IFT140: variants seen among roughly 807,000 people sequenced by gnomAD.
IFT140 encodes the protein intraflagellar transport 140.
Under a neutral mutation model 164.6 loss-of-function variants are expected in IFT140, and 133 were observed. That is an observed-to-expected ratio of 0.81 (90% CI 0.70 to 0.93). IFT140 has a LOEUF of 0.93. Ranked by LOEUF, IFT140 falls within the 40% of genes least tolerant of loss-of-function variation. The pLI, the probability that IFT140 is intolerant of heterozygous loss-of-function variation, is 0.00. For missense variants in IFT140, 2,045 were observed against 1,972.3 expected (o/e 1.04, Z -0.70); for synonymous variants, 860 against 817.3 (o/e 1.05, Z -0.89).
Position 1,531,639 on chromosome 16 carries a change from C to G in IFT140, c.2400-4843G>C, listed in dbSNP as rs760045158. ...CACAGATCCTCCCAGGAGGGTCGCT[C>G]TTAACTTACATGCTGCTCCCAGGCC... is the stretch of plus-strand genomic sequence containing the variant. On this transcript the variant is annotated intron_variant, in intron 19 of 30. Coordinates refer to ENST00000426508, the MANE Select transcript of IFT140 (RefSeq NM_014714.4). This position sits in a 1 kb window ranked among gnomAD's most constrained non-coding sequence, Gnocchi z 4.7. The G allele has an allele frequency of 2.0e-5, 3 of 152,292 alleles. No homozygotes were observed. Among genetic ancestry groups the G allele is most frequent in the Admixed American group, 1.3e-4 (2 of 15,288 alleles). The allele number at this position is 152,292 out of a possible 1,614,324, so 9.4% of individuals were successfully genotyped here.
rs546800995 is a variant in IFT140, at chr16:1,537,992, C to T, written c.2400-11196G>A. ...AGCTGAACCACGTTCTCACCGACACCTTTAAAAGTCAGCTGCTACCACGCA... is the reference window on the plus strand; with the variant it reads ...AGCTGAACCACGTTCTCACCGACACTTTTAAAAGTCAGCTGCTACCACGCA... On this transcript the variant is annotated intron_variant, in intron 19 of 30. Transcript: ENST00000426508. 2.0e-5 allele frequency among the ~76,000 whole-genome samples: 3 copies of T among 152,360 alleles called. No individual in the cohort carries two copies. The East Asian group carries it at 5.8e-4, about 29-fold the overall frequency.
chr16:1,541,605 A>G (rs554008776), intron 19 of IFT140: 1 of 582,774 alleles, frequency 1.7e-6, no homozygotes. Flanking sequence ...TCAAGGGTCA[A>G]GTCAGGCAGA....
intron 19 of IFT140, among the ~76,000 whole-genome samples, chr16:1,530,164 G>C (rs2030312998): frequency 1.0e-5 from 1 of 99,304 alleles, no homozygotes; most frequent in African/African-American, 5.9e-5. Flanking sequence ...TTTTGAGACA[G>C]AGTCTCACTC....
chr16:1,595,125 A>C (rs1021734132), intron 4 of IFT140, among the ~76,000 whole-genome samples: 7 of 151,834 alleles, frequency 4.6e-5, no homozygotes, highest in Non-Finnish European at 8.8e-5. Context: ...CTCTACTAAA[A>C]ATACAAAAGA....
rs201850036 is a variant in IFT140 at position 1,528,314 on chromosome 16, CGCACGCAT to C, written c.2400-1526_2400-1519del. Among the ~76,000 whole-genome samples, 1,069 of 133,324 alleles carry C rather than the reference CGCACGCAT, an allele frequency of 8.0e-3. 13 individuals are homozygous for C. The highest frequency in any genetic ancestry group is 0.031 in the African/African-American group (1,010 of 32,924). 87.5% of individuals were successfully genotyped at this position (133,324 alleles called of 152,430 possible). A position where few individuals can be genotyped will look rare whatever the true frequency, so the allele number is the denominator to read the frequency against. ...AAGCCCCACCAAAGCCACACACACACGCACGCATGCACGCACGTGTGCACACACACGCA... is the reference window on the plus strand; with the variant it reads ...AAGCCCCACCAAAGCCACACACACACGCACGCACGTGTGCACACACACGCA... On this transcript the variant is annotated intron_variant, in intron 19 of 30. Transcript: ENST00000426508.
chr16:1,592,545 A>C lies in IFT140; in HGVS notation c.413T>G (p.Val138Gly). Residue 138 changes from valine to glycine, a missense_variant, in exon 5 of 31, where the codon GTG becomes GGG. Transcript: ENST00000426508. Reference sequence around the variant, plus strand: ...GTGTTTCAGCAGAGGCGTCCCTTGCACTCGGCCCCTTTGGTCCAACCTCCA... The same window carrying C: ...GTGTTTCAGCAGAGGCGTCCCTTGCCCTCGGCCCCTTTGGTCCAACCTCCA... ...LLWRLDQRGR[V>G]QGTPLLKHEY... is the part of the protein sequence containing the mutation. 6.2e-7 allele frequency: 1 copy of C among 1,614,222 alleles called. No homozygotes were observed. Among genetic ancestry groups the C allele is most frequent in the Admixed American group, 1.7e-5 (1 of 60,030 alleles).
At chr16:1,587,167 G>T in intron 9 of IFT140, 31 bp downstream of exon 9, 2 of 1,399,856 alleles carry the variant, frequency 1.4e-6, no homozygotes, top group Non-Finnish European at 2.0e-6. Context: ...GGTTGGTTCT[G>T]TTTCTCTTGT....
Position 1,524,824 on chromosome 16 carries a change from G to C in IFT140, c.2957C>G (p.Ser986Cys), listed in dbSNP as rs367724835. Residue 986 changes from serine to cysteine, a missense_variant, in exon 23 of 31, where the codon TCC becomes TGC. Coordinates refer to ENST00000426508, the MANE Select transcript of IFT140 (RefSeq NM_014714.4). The stretch of plus-strand genomic sequence containing the variant: ...CTGGAAGCAGTGGATGCGGACCAGG[G>C]AGAAGTGGTCCCGGGCCAGCTCGTA... ...HYYELARDHF[S>C]LVRIHCFQGN... 2.5e-6 allele frequency: 4 copies of C among 1,612,496 alleles called. No homozygotes were observed. Among genetic ancestry groups the C allele is most frequent in the Non-Finnish European group, 3.4e-6 (4 of 1,179,064 alleles).
chr16:1,545,776 T>G (rs1454700303), intron 19 of IFT140, among the ~76,000 whole-genome samples: 3 of 152,162 alleles, frequency 2.0e-5, no homozygotes, highest in Non-Finnish European at 1.5e-5. Flanking sequence ...CCTTGTCAGC[T>G]CCAAAGAGAG....
intron 1 of IFT140, 26 bp from the exon 2 acceptor site, chr16:1,610,879 T>A (rs2036298340): frequency 6.5e-6 from 1 of 152,820 alleles, no homozygotes; most frequent in African/African-American, 2.4e-5. Flanking sequence ...GGGACGAGCT[T>A]TTTCTAGGAG....
intron 19 of IFT140, chr16:1,555,174 G>A (rs2032991234): frequency 1.0e-6 from 1 of 973,066 alleles, no homozygotes; most frequent in Non-Finnish European, 1.5e-6. Flanking sequence ...TGCGAGACAC[G>A]TGTGCGTTTA....
At chr16:1,599,195 A>G (rs2035630415) in intron 4 of IFT140, among the ~76,000 whole-genome samples, 1 of 79,066 alleles carries the variant, frequency 1.3e-5, no homozygotes, top group Non-Finnish European at 2.3e-5. Context: ...CCCATCTGAG[A>G]AGTGAGGAGC....
chr16:1,523,938 G>A lies in IFT140; in HGVS notation c.3160C>T (p.Gln1054Ter). 6.2e-6 allele frequency: 10 copies of A among 1,612,658 alleles called. No individual in the cohort carries two copies. Among genetic ancestry groups the A allele is most frequent in the Non-Finnish European group, 8.5e-6 (10 of 1,179,998 alleles). ...RLCKENGLDD[Q>*]LMNLALLSSP... The stretch of plus-strand genomic sequence containing the variant: ...CTCAGCAGGGCCAAGTTCATGAGCT[G>A]GTCGTCCAGGCCGTTCTCCTGCAGG... Residue 1054 changes from glutamine (Q) to a stop codon, truncating the protein, a stop_gained, in exon 25 of 31, where the codon CAG (glutamine) becomes TAG (stop). Coordinates refer to ENST00000426508, the MANE Select transcript of IFT140 (RefSeq NM_014714.4). LOFTEE classifies it high-confidence loss of function.
chr16:1,546,273 G>C (rs2032163306), intron 19 of IFT140, among the ~76,000 whole-genome samples: 1 of 152,228 alleles, frequency 6.6e-6, no homozygotes, highest in East Asian at 1.9e-4. Context: ...TCTGCAGGCA[G>C]CCTAGGCCGG....
chr16:1,592,187 C>A lies in IFT140; in HGVS notation c.623G>T (p.Ser208Ile), dbSNP rs774351384. The change falls in exon 6 of 31, where the codon AGT (serine) becomes ATT (isoleucine). Residue 208 changes from serine (S) to isoleucine (I), a missense_variant. Coordinates refer to ENST00000426508, the MANE Select transcript of IFT140 (RefSeq NM_014714.4). Reference protein sequence around the residue: ...GSHEGLLFFVSLMDGTVHYVD... With the variant: ...GSHEGLLFFVILMDGTVHYVD... ...CCAAAGTTCCTCACCGTCCATCAGA[C>A]TGACAAAGAACAACAGCCCCTCGTG... 6.2e-7 allele frequency: 1 copy of A among 1,614,182 alleles called. No individual in the cohort carries two copies. Among genetic ancestry groups the A allele is most frequent in the Admixed American group, 1.7e-5 (1 of 60,028 alleles).
intron 19 of IFT140, among the ~76,000 whole-genome samples, chr16:1,552,558 C>T (rs1012883001): frequency 6.6e-5 from 10 of 152,026 alleles, no homozygotes; most frequent in African/African-American, 1.9e-4. Context: ...ACACAAGCAT[C>T]GATACCACAC....
chr16:1,609,304 G>A (rs964205028), intron 2 of IFT140, among the ~76,000 whole-genome samples: 1 of 152,144 alleles, frequency 6.6e-6, no homozygotes, highest in Non-Finnish European at 1.5e-5. Flanking sequence ...TAACTATGAA[G>A]GCAAACGGCC....
At chr16:1,611,243 G>T (rs1343241626) in intron 1 of IFT140, among the ~76,000 whole-genome samples, 1 of 152,196 alleles carries the variant, frequency 6.6e-6, no homozygotes, top group Non-Finnish European at 1.5e-5. Context: ...CGCGGGGCTC[G>T]CGCTTGGGCT....
At position 1,602,570 on chromosome 16, in the gene IFT140, G is replaced by A. The variant is rs773645239; in HGVS notation, c.169C>T (p.His57Tyr). 1 of 1,612,884 alleles carries A rather than the reference G, an allele frequency of 6.2e-7. No homozygotes were observed. Among genetic ancestry groups the A allele is most frequent in the Non-Finnish European group, 8.5e-7 (1 of 1,180,024 alleles). The change falls in exon 4 of 31, where the codon CAC becomes TAC. Residue 57 changes from histidine (H) to tyrosine (Y), a missense_variant. Transcript: ENST00000426508. ...LEQGECVPDT[H>Y]VERPFRVASL... is the part of the protein sequence containing the mutation. Reference sequence around the variant, plus strand: ...GCAACCCGGAACGGCCTCTCGACGTGTGTATCTGGCACGCACTCCCCCTGC... The same window carrying A: ...GCAACCCGGAACGGCCTCTCGACGTATGTATCTGGCACGCACTCCCCCTGC...
Sources: gnomAD v4.1 joint callset for allele counts (sites outside exome capture counted in the v4.1 genomes callset) on GRCh38, gnomAD v4.1.1 for gene constraint, Gnocchi (gnomAD v3.1) non-coding constraint, MANE v1.5 for transcripts, NCBI Gene and HGNC (gene_info 2026-07-23, HGNC 2026-07-21) for gene names.